Variants in NCOR2 observed in about 807,000 individuals in gnomAD.
The protein encoded by NCOR2 is nuclear receptor corepressor 2, also known as CTG repeat protein 26.
A neutral mutation model predicts 262.9 loss-of-function variants in NCOR2; 81 were observed. The observed-to-expected ratio is 0.31, with a 90% CI of 0.26 to 0.37. The LOEUF is 0.37. Ranked by LOEUF, NCOR2 falls within the 10% of genes least tolerant of loss-of-function variation. The pLI, the probability that NCOR2 is intolerant of heterozygous loss-of-function variation, is 1.00. For synonymous variants in NCOR2, 1,659 were observed against 1,559.3 expected, an observed-to-expected ratio of 1.06 and a Z score of -1.51; for missense variants, 3,385 against 3,621.4, an observed-to-expected ratio of 0.93 and a Z score of 1.68.
chr12:124,441,433 A>C (rs527968303), intron 7 of NCOR2, among the ~76,000 whole-genome samples: 1 of 152,200 alleles, frequency 6.6e-6, no homozygotes, highest in Non-Finnish European at 1.5e-5. Flanking sequence ...GATTCAATAC[A>C]TCAATACATG....
At chr12:124,399,050 C>G (rs1452120853) in intron 15 of NCOR2, among the ~76,000 whole-genome samples, 2 of 152,182 alleles carry the variant, frequency 1.3e-5, no homozygotes, top group Non-Finnish European at 2.9e-5. Flanking sequence ...ATGGACTCAG[C>G]ACCTGGAACT....
intron 17 of NCOR2, among the ~76,000 whole-genome samples, chr12:124,383,116 G>A (rs532023445): frequency 6.6e-6 from 1 of 152,156 alleles, no homozygotes; most frequent in Non-Finnish European, 1.5e-5. Flanking sequence ...AGAGTGTCTG[G>A]GGCATACTAG....
chr12:124,552,610 G>A (rs1011712021), intron 1 of NCOR2, among the ~76,000 whole-genome samples: 1 of 152,174 alleles, frequency 6.6e-6, no homozygotes, highest in African/African-American at 2.4e-5. Flanking sequence ...CAGGCTCTGT[G>A]GGGGCAGCAA....
intron 1 of NCOR2, among the ~76,000 whole-genome samples, chr12:124,559,167 TC>T (rs994703018): frequency 1.3e-5 from 2 of 151,810 alleles, no homozygotes; most frequent in Admixed American, 1.3e-4. Flanking sequence ...GACTTACCTT[TC>T]CCCCCACTTC....
chr12:124,388,892 GGGA>G lies in NCOR2; in HGVS notation c.1877-3008_1877-3006del, dbSNP rs1255157447. 13 of 985,638 alleles carry G rather than the reference GGGA, an allele frequency of 1.3e-5. No individual in the cohort carries two copies. In the East Asian group the frequency reaches 9.8e-4, roughly 75 times the overall value. 61.1% of individuals were successfully genotyped at this position (985,638 alleles called of 1,614,324 possible). A position where few individuals can be genotyped will look rare whatever the true frequency, so the allele number is the denominator to read the frequency against. ...AGGGAGGGAGGGAGGGAGGGAGGGA[GGGA>G]GCGAGGGAGGGAGGGACGCGGCGGG... On this transcript the variant is annotated intron_variant, in intron 16 of 46. Coordinates refer to ENST00000405201, the Ensembl canonical transcript of NCOR2.
At chr12:124,460,879 T>C (rs1459903867) in intron 5 of NCOR2, among the ~76,000 whole-genome samples, 1 of 152,172 alleles carries the variant, frequency 6.6e-6, no homozygotes, top group Non-Finnish European at 1.5e-5. Context: ...CTCCCGACAC[T>C]GTCTCCCTGG....
intron 7 of NCOR2, among the ~76,000 whole-genome samples, chr12:124,442,465 T>C (rs2044866889): frequency 6.6e-6 from 1 of 152,222 alleles, no homozygotes; most frequent in Non-Finnish European, 1.5e-5. Flanking sequence ...GTTTCTCTGC[T>C]GTTATATAAG....
intron 33 of NCOR2, among the ~76,000 whole-genome samples, chr12:124,342,337 A>G (rs1790511938): frequency 6.6e-6 from 1 of 152,190 alleles, no homozygotes; most frequent in Non-Finnish European, 1.5e-5. Flanking sequence ...TTAACACTCC[A>G]AAGGGATGCA....
intron 16 of NCOR2, chr12:124,388,625 T>C (rs541266984): frequency 3.1e-6 from 4 of 1,297,068 alleles, no homozygotes; most frequent in Non-Finnish European, 4.1e-6. Flanking sequence ...GATGGCCACG[T>C]TGCGGTCCCT....
At chr12:124,358,311 G>A (rs1261396021) in intron 22 of NCOR2, among the ~76,000 whole-genome samples, 6 of 150,038 alleles carry the variant, frequency 4.0e-5, no homozygotes, top group East Asian at 2.0e-4. Context: ...GTGTATGTGC[G>A]TGTGTGTGAG....
At position 124,523,139 on chromosome 12, in the gene NCOR2, G is replaced by A. The variant is rs946687994; in HGVS notation, c.-118+12426C>T. Among the ~76,000 whole-genome samples, 1 of 152,192 alleles carries A rather than the reference G, an allele frequency of 6.6e-6. No homozygotes were observed. The highest frequency in any genetic ancestry group is 6.5e-5 in the Admixed American group (1 of 15,284). ...ACCACGTTGGCTAAGGGAAGCCAAC[G>A]GTACTCCAGGGCTGTTTTTCTGCAT... is the stretch of plus-strand genomic sequence containing the variant. On this transcript the variant is annotated intron_variant, in intron 1 of 46. Transcript: ENST00000404621. This position sits in a 1 kb window ranked among gnomAD's most constrained non-coding sequence, Gnocchi z 4.0.
In NCOR2 at chr12:124,474,510, T is replaced by C. The variant is rs143574909; in HGVS notation, c.412-1379A>G. On this transcript the variant is annotated intron_variant, in intron 3 of 46. Coordinates refer to ENST00000405201, the Ensembl canonical transcript of NCOR2. ...CAGCTAAAGTCTGGTGCACCCAGGC[T>C]GTGCTGGAAACACTCTCAGGATAAG... Among the ~76,000 whole-genome samples, 425 of 152,270 alleles carry C rather than the reference T, an allele frequency of 2.8e-3. 6 individuals are homozygous for C. The East Asian group carries it at 0.05, about 18-fold the overall frequency.
At chr12:124,341,910 T>C (rs1019925483) in exon 34 of NCOR2, 11 of 1,612,898 alleles carry the variant, frequency 6.8e-6, no homozygotes, top group Non-Finnish European at 9.3e-6. Context: ...GCCATGGCGG[T>C]GGCCGCGTTG....
chr12:124,397,714 G>A (rs898616785), intron 16 of NCOR2, among the ~76,000 whole-genome samples: 2 of 152,118 alleles, frequency 1.3e-5, no homozygotes, highest in African/African-American at 4.8e-5. Context: ...AGGTCTCCCT[G>A]ACCCCAGGAC....
At position 124,397,729 on chromosome 12, in the gene NCOR2, C is replaced by T. The variant is rs554388209; in HGVS notation, c.1876+390G>A. ...AGGTCTCCCTGACCCCAGGACTCTA[C>T]CGAGATGGCCGCCGGCAAGCTCTGA... On this transcript the variant is annotated intron_variant, in intron 16 of 46. Coordinates refer to ENST00000405201, the Ensembl canonical transcript of NCOR2. 3.4e-4 allele frequency among the ~76,000 whole-genome samples: 52 copies of T among 152,300 alleles called. 2 individuals are homozygous for T. The South Asian group carries it at 1.0e-2, about 29-fold the overall frequency.
intron 7 of NCOR2, among the ~76,000 whole-genome samples, chr12:124,448,267 A>G (rs756031619): frequency 1.9e-4 from 29 of 152,176 alleles, no homozygotes; most frequent in Admixed American, 6.5e-5. Context: ...GCACCCCTCC[A>G]TCTGTGGCTT....
intron 13 of NCOR2, among the ~76,000 whole-genome samples, chr12:124,404,524 C>T (rs1403547415): frequency 1.3e-5 from 2 of 152,198 alleles, no homozygotes; most frequent in Non-Finnish European, 2.9e-5. Context: ...TGGGGCCTCA[C>T]CCATGGACCA....
intron 1 of NCOR2, among the ~76,000 whole-genome samples, chr12:124,490,750 G>A (rs934890351): frequency 2.0e-5 from 3 of 152,182 alleles, no homozygotes; most frequent in Non-Finnish European, 4.4e-5. Flanking sequence ...CCTTAGCCCA[G>A]GGCAGTACTA....
intron 8 of NCOR2, among the ~76,000 whole-genome samples, chr12:124,433,983 G>A (rs1363567328): frequency 2.0e-5 from 3 of 151,490 alleles, no homozygotes; most frequent in South Asian, 2.1e-4. Flanking sequence ...TGCTAGGAGC[G>A]CAAATCCACT....
Sources: gnomAD v4.1 joint callset for allele counts (sites outside exome capture counted in the v4.1 genomes callset) on GRCh38, gnomAD v4.1.1 for gene constraint, Gnocchi (gnomAD v3.1) non-coding constraint, MANE v1.5 for transcripts, NCBI Gene and HGNC (gene_info 2026-07-23, HGNC 2026-07-21) for gene names.